STMN4: variants seen among roughly 807,000 people sequenced by gnomAD.
STMN4 encodes stathmin 4.
In STMN4, 12 loss-of-function variants were observed where a neutral mutation model predicts 29.1. The ratio of observed to expected loss-of-function variants is 0.41; its 90% CI spans 0.26 to 0.67. STMN4 has a LOEUF of 0.67. STMN4 is among the 30% of genes least tolerant of loss of function. STMN4 has a pLI of 0.30. For missense variants in STMN4, 181 were observed against 262.8 expected, an observed-to-expected ratio of 0.69 and a Z score of 2.15; for synonymous variants, 114 against 105.3, an observed-to-expected ratio of 1.08 and a Z score of -0.51.
intron 1 of STMN4, among the ~76,000 whole-genome samples, chr8:27,254,386 T>C (rs772537287): frequency 5.3e-5 from 8 of 152,178 alleles, no homozygotes; most frequent in Non-Finnish European, 7.3e-5. Context: ...TCCAGTTTGT[T>C]ATCCAAACTC....
intron 1 of STMN4, among the ~76,000 whole-genome samples, chr8:27,249,093 AC>A (rs141448591): frequency 0.063 from 9,512 of 151,782 alleles, 417 homozygotes; most frequent in Non-Finnish European, 0.092. Context: ...GTGGGTGATA[AC>A]CCCCCCCAAG....
intron 1 of STMN4, among the ~76,000 whole-genome samples, chr8:27,256,697 C>G (rs1344941448): frequency 6.6e-6 from 1 of 152,208 alleles, no homozygotes; most frequent in African/African-American, 2.4e-5. Flanking sequence ...ATTTTCTACT[C>G]TTATTCCATT....
At chr8:27,247,835 C>T (rs952872340) in intron 1 of STMN4, among the ~76,000 whole-genome samples, 8 of 152,204 alleles carry the variant, frequency 5.3e-5, no homozygotes, top group African/African-American at 1.9e-4. Context: ...AGACGTCAGC[C>T]AGCAGAGCAA....
At chr8:27,256,876 A>C (rs1801956643) in intron 1 of STMN4, among the ~76,000 whole-genome samples, 1 of 152,080 alleles carries the variant, frequency 6.6e-6, no homozygotes, top group East Asian at 1.9e-4. Context: ...GAATGCCTTC[A>C]GTGACAGGGA....
intron 4 of STMN4, 58 bp from the exon 5 acceptor site, chr8:27,241,320 AGCATGCGGC>A: frequency 6.2e-7 from 1 of 1,606,290 alleles, no homozygotes. Context: ...GCACCCAGCA[AGCATGCGGC>A]GCATGCACAC....
intron 1 of STMN4, among the ~76,000 whole-genome samples, chr8:27,252,482 G>T (rs983576778): frequency 6.6e-6 from 1 of 152,018 alleles, no homozygotes; most frequent in Admixed American, 6.5e-5. Context: ...GTAGAGATGG[G>T]GTCTCACTGT....
At position 27,235,512 on chromosome 8, in the gene STMN4, G is replaced by C. The variant is rs565801874; in HGVS notation, c.*1334C>G. On this transcript the variant is annotated 3_prime_UTR_variant, in exon 7 of 7. Coordinates refer to ENST00000350889, the MANE Select transcript of STMN4 (RefSeq NM_030795.4). ...CCTGGAGACCAAGACTGCTGGGTCT[G>C]GATGCCTCCTTTGCCTTCTACTAGC... The C allele has an allele frequency of 6.6e-6, 1 of 152,198 alleles. No homozygotes were observed. Among genetic ancestry groups the C allele is most frequent in the Admixed American group, 6.5e-5 (1 of 15,292 alleles). 9.4% of individuals were successfully genotyped at this position (152,198 alleles called of 1,614,324 possible).
chr8:27,257,580 C>T (rs1801980779), intron 1 of STMN4, among the ~76,000 whole-genome samples: 2 of 151,596 alleles, frequency 1.3e-5, no homozygotes, highest in South Asian at 4.2e-4. Flanking sequence ...AGAAATAAAA[C>T]AAAGACAGCA....
intron 1 of STMN4, among the ~76,000 whole-genome samples, chr8:27,252,410 A>G (rs971127679): frequency 2.7e-4 from 41 of 152,202 alleles, no homozygotes; most frequent in African/African-American, 9.6e-4. Context: ...CAGAATCTAC[A>G]ATGAACTCAA....
At chr8:27,241,814 C>T (rs899727226) in intron 3 of STMN4, 57 bp from the exon 4 acceptor site, 1 of 1,595,640 alleles carries the variant, frequency 6.3e-7, no homozygotes. Flanking sequence ...TGGTGCCAGA[C>T]CAAACCAAAC....
chr8:27,238,214 T>C (rs1393692592), intron 6 of STMN4, among the ~76,000 whole-genome samples: 1 of 152,176 alleles, frequency 6.6e-6, no homozygotes, highest in Non-Finnish European at 1.5e-5. Context: ...TCTGTATTTT[T>C]TAATTTTATA....
chr8:27,240,268 G>A (rs1801431672), intron 5 of STMN4, 106 bp from the exon 6 acceptor site: 1 of 1,261,384 alleles, frequency 7.9e-7, no homozygotes, highest in Non-Finnish European at 1.1e-6. Context: ...TCACCTCCCT[G>A]GGCCTGGTCC....
chr8:27,241,863 G>C (rs1801485190), intron 3 of STMN4, 106 bp from the exon 4 acceptor site: 1 of 1,366,656 alleles, frequency 7.3e-7, no homozygotes, highest in Non-Finnish European at 1.0e-6. Context: ...GAGGTGACCT[G>C]GTCCCCGAGC....
chr8:27,253,207 G>A (rs552813016), intron 1 of STMN4, among the ~76,000 whole-genome samples: 3 of 152,288 alleles, frequency 2.0e-5, no homozygotes, highest in East Asian at 3.9e-4. Flanking sequence ...GGCCCACATT[G>A]AACTACGCTG....
rs1157400188 is a variant in STMN4 at position 27,235,597 on chromosome 8, C to A, written c.*1249G>T. The A allele has an allele frequency of 6.6e-6, 1 of 152,224 alleles. No individual in the cohort carries two copies. Among genetic ancestry groups the A allele is most frequent in the Non-Finnish European group, 1.5e-5 (1 of 68,058 alleles). The allele number at this position is 152,224 out of a possible 1,614,324, so 9.4% of individuals were successfully genotyped here. On this transcript the variant is annotated 3_prime_UTR_variant, in exon 7 of 7. Transcript: ENST00000350889. The stretch of plus-strand genomic sequence containing the variant: ...TACCTAGAATCTCAAACCCCCAAAG[C>A]ATGGAGGACTTCTGCTATGGTGTGA...
chr8:27,257,459 A>AACACACAC (rs59516183), intron 1 of STMN4, among the ~76,000 whole-genome samples: 7,411 of 137,662 alleles, frequency 0.054, 291 homozygotes, highest in East Asian at 0.16. Context: ...CCCCCATACA[A>AACACACAC]ACACACACAC....
At chr8:27,239,382 G>C (rs1198328969) in intron 6 of STMN4, 3 of 1,330,318 alleles carry the variant, frequency 2.3e-6, no homozygotes, top group Non-Finnish European at 3.1e-6. Context: ...CAGCAGAACG[G>C]GCCGGTATTC....
chr8:27,239,064 G>C (rs1480177393), intron 6 of STMN4, among the ~76,000 whole-genome samples: 1 of 152,236 alleles, frequency 6.6e-6, no homozygotes, highest in East Asian at 1.9e-4. Context: ...AGCTTTGCAG[G>C]CTGGTGCATC....
intron 6 of STMN4, chr8:27,239,241 C>T: frequency 6.5e-7 from 1 of 1,535,602 alleles, no homozygotes; most frequent in Admixed American, 2.0e-5. Context: ...GACGAGGCCA[C>T]CGATCAGGTC....
Sources: gnomAD v4.1 joint callset for allele counts (sites outside exome capture counted in the v4.1 genomes callset) on GRCh38, gnomAD v4.1.1 for gene constraint, MANE v1.5 for transcripts, NCBI Gene and HGNC (gene_info 2026-07-23, HGNC 2026-07-21) for gene names.